SCN3B: variants seen among roughly 807,000 people sequenced by gnomAD.
SCN3B encodes sodium voltage-gated channel beta subunit 3.
Under a neutral mutation model 25.4 loss-of-function variants are expected in SCN3B, and 11 were observed. The ratio of observed to expected loss-of-function variants is 0.43; its 90% CI spans 0.27 to 0.72. The LOEUF (loss-of-function observed/expected upper bound fraction) is 0.72. Among genes scored for constraint, SCN3B ranks in the 30% least tolerant of loss-of-function variants. SCN3B has a pLI of 0.18. For synonymous variants in SCN3B, 109 were observed against 110.7 expected (o/e 0.99, Z 0.09); for missense variants, 218 against 278.3 (o/e 0.78, Z 1.54).
intron 2 of SCN3B, among the ~76,000 whole-genome samples, chr11:123,651,094 TATTA>T (rs1045435460): frequency 6.6e-5 from 10 of 150,546 alleles, no homozygotes; most frequent in African/African-American, 2.2e-4. Flanking sequence ...TATTTTATTG[TATTA>T]ATTATTTATT....
intron 2 of SCN3B, 143 bp downstream of exon 2, chr11:123,653,604 C>A (rs1955957343): frequency 3.2e-6 from 3 of 928,634 alleles, no homozygotes; most frequent in East Asian, 2.4e-5. Flanking sequence ...TCTCATGGAA[C>A]CCCTGCCATC....
chr11:123,636,816 C>T (rs371257642), intron 5 of SCN3B, among the ~76,000 whole-genome samples: 8 of 152,124 alleles, frequency 5.3e-5, no homozygotes, highest in African/African-American at 1.4e-4. Context: ...GCCTCAGCCT[C>T]CTGAGTAGCT....
At chr11:123,641,340 A>G (rs1228340069) in intron 4 of SCN3B, among the ~76,000 whole-genome samples, 1 of 152,044 alleles carries the variant, frequency 6.6e-6, no homozygotes, top group Non-Finnish European at 1.5e-5. Flanking sequence ...GAATTGACCT[A>G]CCTTCCATTT....
intron 3 of SCN3B, among the ~76,000 whole-genome samples, chr11:123,643,263 G>C (rs1056038710): frequency 6.6e-6 from 1 of 152,238 alleles, no homozygotes; most frequent in African/African-American, 2.4e-5. Flanking sequence ...AAGCATGGCA[G>C]ATGAGCAGAG....
intron 3 of SCN3B, among the ~76,000 whole-genome samples, chr11:123,644,794 AGAGAGAATATATATATATATAT>A (rs1450262668): frequency 1.5e-4 from 13 of 89,098 alleles, no homozygotes; most frequent in Admixed American, 4.5e-4. Context: ...AGAGAGAGAG[AGAGAGAATATATATATATATAT>A]ATATATATAT....
At chr11:123,643,317 T>C (rs1955812286) in intron 3 of SCN3B, among the ~76,000 whole-genome samples, 1 of 152,222 alleles carries the variant, frequency 6.6e-6, no homozygotes, top group Admixed American at 6.5e-5. Context: ...TGCTTTGGAC[T>C]GAATTTTAAC....
intron 1 of SCN3B, 61 bp from the exon 2 acceptor site, chr11:123,653,887 C>T: frequency 6.7e-7 from 1 of 1,503,654 alleles, no homozygotes. Context: ...CGAGGAAACC[C>T]TTTGGGACGA....
intron 5 of SCN3B, among the ~76,000 whole-genome samples, chr11:123,637,810 G>A (rs988086406): frequency 1.5e-4 from 23 of 152,242 alleles, no homozygotes; most frequent in African/African-American, 2.6e-4. Flanking sequence ...GATTACAGGC[G>A]TGACAGCCAT....
chr11:123,630,950 A>T lies in SCN3B; in HGVS notation c.*2849T>A, dbSNP rs974312973. The T allele has an allele frequency of 1.3e-4, 20 of 152,354 alleles. No individual in the cohort carries two copies. Among genetic ancestry groups the T allele is most frequent in the African/African-American group, 4.8e-4 (20 of 41,578 alleles). The allele number at this position is 152,354 out of a possible 1,614,324, so 9.4% of individuals were successfully genotyped here. A position where few individuals can be genotyped will look rare whatever the true frequency, so the allele number is the denominator to read the frequency against. Reference sequence around the variant, plus strand: ...GATTCTTGCTGTCTACCTACCAGCTAGGTTTCCTTATAATTTAGTAAAGCT... The same window carrying T: ...GATTCTTGCTGTCTACCTACCAGCTTGGTTTCCTTATAATTTAGTAAAGCT... On this transcript the variant is annotated 3_prime_UTR_variant, in exon 7 of 7. Coordinates refer to ENST00000299333, the MANE Select transcript of SCN3B (RefSeq NM_001040151.2).
rs557367913 is a variant in SCN3B, at chr11:123,649,654, CTCTT to C, written c.56-3908_56-3905del. On this transcript the variant is annotated intron_variant, in intron 2 of 6. Coordinates refer to ENST00000299333, the MANE Select transcript of SCN3B (RefSeq NM_001040151.2). ...CTTTCTTTCTTTTTTTTCTTTCTTTCTCTTTCTTTCTTTCTTTTTTTCCTCTCTC... is the reference window on the plus strand; with the variant it reads ...CTTTCTTTCTTTTTTTTCTTTCTTTCTCTTTCTTTCTTTTTTTCCTCTCTC... Among the ~76,000 whole-genome samples the C allele has an allele frequency of 7.9e-3, 1,109 of 140,320 alleles. 14 individuals are homozygous for C. The highest frequency in any genetic ancestry group is 0.038 in the South Asian group (165 of 4,356). 92.1% of individuals were successfully genotyped at this position (140,320 alleles called of 152,430 possible).
At chr11:123,647,952 A>G (rs1440280395) in intron 2 of SCN3B, among the ~76,000 whole-genome samples, 1 of 152,214 alleles carries the variant, frequency 6.6e-6, no homozygotes, top group Non-Finnish European at 1.5e-5. Context: ...ACGTTAATGG[A>G]GAGAGGACTC....
At chr11:123,653,396 T>C (rs753336602) in intron 2 of SCN3B, among the ~76,000 whole-genome samples, 5 of 151,836 alleles carry the variant, frequency 3.3e-5, no homozygotes, top group African/African-American at 7.3e-5. Flanking sequence ...ATAGACTCCT[T>C]GATGAGAAAT....
intron 2 of SCN3B, among the ~76,000 whole-genome samples, chr11:123,651,803 C>A (rs930015637): frequency 1.3e-5 from 2 of 152,324 alleles, no homozygotes; most frequent in East Asian, 3.9e-4. Context: ...ATACTGTGTA[C>A]ACTTCTTCCA....
chr11:123,634,268 G>A (rs1955702190), intron 5 of SCN3B, 62 bp from the exon 6 acceptor site: 4 of 1,362,466 alleles, frequency 2.9e-6, no homozygotes, highest in Non-Finnish European at 4.2e-6. Flanking sequence ...ACACAAGATG[G>A]GGAAGGAGCA....
At chr11:123,649,668 C>CT (rs1420253358) in intron 2 of SCN3B, among the ~76,000 whole-genome samples, 1 of 135,260 alleles carries the variant, frequency 7.4e-6, no homozygotes, top group African/African-American at 2.7e-5. Flanking sequence ...TTCTTTCTTT[C>CT]TTTTTTTCCT....
rs745437143 is a variant in SCN3B, at chr11:123,642,621, C to A, written c.270G>T (p.Gly90=). Residue 90 remains glycine, a synonymous_variant, in exon 4 of 7, where the codon GGG becomes GGT. Coordinates refer to ENST00000299333, the MANE Select transcript of SCN3B (RefSeq NM_001040151.2). This position sits in a 1 kb window ranked among gnomAD's most constrained non-coding sequence, Gnocchi z 4.3. ...CCTTGCTGCCATTCCACTGCAGGCG[C>A]CCCTGAAAGGGGCTCTCCACCTCCT... is the stretch of plus-strand genomic sequence containing the variant. The part of the protein sequence containing the change: ...GHQEVESPFQ[G]RLQWNGSKDL... The A allele has an allele frequency of 6.2e-7, 1 of 1,614,096 alleles. No individual in the cohort carries two copies. Among genetic ancestry groups the A allele is most frequent in the African/African-American group, 1.3e-5 (1 of 74,930 alleles).
intron 2 of SCN3B, among the ~76,000 whole-genome samples, chr11:123,649,806 C>A (rs1955902500): frequency 6.6e-6 from 1 of 151,926 alleles, no homozygotes; most frequent in South Asian, 2.1e-4. Flanking sequence ...TGGGTTCAAG[C>A]GATTCTCCTG....
At chr11:123,634,723 T>C (rs752176168) in intron 5 of SCN3B, among the ~76,000 whole-genome samples, 1 of 152,210 alleles carries the variant, frequency 6.6e-6, no homozygotes, top group Non-Finnish European at 1.5e-5. Flanking sequence ...AGTGAGACCA[T>C]GTCTCAAAAA....
At chr11:123,637,235 A>C (rs931902817) in intron 5 of SCN3B, among the ~76,000 whole-genome samples, 3 of 152,150 alleles carry the variant, frequency 2.0e-5, no homozygotes, top group Admixed American at 6.5e-5. Flanking sequence ...ACTTTAGAGG[A>C]TTAGAGTCCC....
Sources: allele counts gnomAD v4.1 joint callset (sites outside exome capture counted in the v4.1 genomes callset), GRCh38; gene constraint gnomAD v4.1.1; non-coding constraint Gnocchi (gnomAD v3.1); transcripts MANE v1.5; gene names NCBI Gene and HGNC (gene_info 2026-07-23, HGNC 2026-07-21).